Variants in CDC42SE2 observed in about 807,000 individuals in gnomAD.
CDC42SE2 encodes the protein CDC42 small effector protein 2.
CDC42SE2 carries 3 observed loss-of-function variants against 11.5 expected under a neutral mutation model. The observed-to-expected ratio is 0.26, with a 90% CI of 0.12 to 0.67. The LOEUF (loss-of-function observed/expected upper bound fraction) is 0.67, where lower values mean the gene tolerates loss of function less well. Ranked by LOEUF, CDC42SE2 falls within the 30% of genes least tolerant of loss-of-function variation. The pLI, the probability that CDC42SE2 is intolerant of heterozygous loss-of-function variation, is 0.80. For synonymous variants in CDC42SE2, 33 were observed against 34.8 expected (o/e 0.95, Z 0.18); for missense variants, 82 against 106.8 (o/e 0.77, Z 1.02).
At chr5:131,211,155 A>T in the CDC42SE2 span, among the ~76,000 whole-genome samples, 1 of 152,140 alleles carries the variant, frequency 6.6e-6, no homozygotes, top group African/African-American at 2.4e-5. Flanking sequence ...TCTTTCATAC[A>T]AGAATTCTTG....
chr5:131,341,203 C>G (rs1230247972), intron 2 of CDC42SE2, among the ~76,000 whole-genome samples: 1 of 152,008 alleles, frequency 6.6e-6, no homozygotes, highest in Non-Finnish European at 1.5e-5. Context: ...CATTCAGACC[C>G]CAGTACAATG....
chr5:131,271,110 A>AAT (rs1201215986), intron 1 of CDC42SE2, among the ~76,000 whole-genome samples: 5 of 152,184 alleles, frequency 3.3e-5, no homozygotes, highest in African/African-American at 1.2e-4. Flanking sequence ...AATTCCTGTG[A>AAT]TACAGTTCTC....
chr5:131,318,784 A>G (rs1283650101), intron 2 of CDC42SE2, among the ~76,000 whole-genome samples: 1 of 152,222 alleles, frequency 6.6e-6, no homozygotes, highest in Non-Finnish European at 1.5e-5. Context: ...CATCTTTCTC[A>G]ACCCTCAATT....
At chr5:131,263,954 A>T (rs1047525932), upstream of CDC42SE2, 1 of 151,386 alleles carries the variant, frequency 6.6e-6, no homozygotes, top group East Asian at 1.9e-4. Flanking sequence ...CGGTCGCTGC[A>T]GCTGCGCAAC....
intron 2 of CDC42SE2, among the ~76,000 whole-genome samples, chr5:131,346,274 C>A (rs916932279): frequency 8.6e-5 from 13 of 152,032 alleles, no homozygotes; most frequent in Non-Finnish European, 1.9e-4. Flanking sequence ...AGTGCAGAGA[C>A]ACACATAGGC....
chr5:131,306,586 T>A (rs1211351874), intron 1 of CDC42SE2, among the ~76,000 whole-genome samples: 1 of 152,226 alleles, frequency 6.6e-6, no homozygotes, highest in Non-Finnish European at 1.5e-5. Flanking sequence ...CTTTTGTGGT[T>A]TTATATGAAT....
At chr5:131,294,625 A>G (rs1023649868) in intron 1 of CDC42SE2, among the ~76,000 whole-genome samples, 16 of 152,222 alleles carry the variant, frequency 1.1e-4, no homozygotes, top group African/African-American at 3.4e-4. Context: ...GATGGTGACT[A>G]CTAGGGTAGG....
chr5:131,310,586 C>G lies in CDC42SE2; in HGVS notation c.-454-5390C>G, dbSNP rs1252060265. On this transcript the variant is annotated intron_variant, in intron 1 of 4. Transcript: ENST00000505065. ...ATTATTAATGTGTGGGAGTCTAAGT[C>G]TCTTTGTAGGTCACTCAGGACTTGC... Among the ~76,000 whole-genome samples, 1,366 of 151,490 alleles carry G rather than the reference C, an allele frequency of 9.0e-3. 26 individuals are homozygous for G. Among genetic ancestry groups the G allele is most frequent in the African/African-American group, 0.032 (1,306 of 41,044 alleles).
the CDC42SE2 span, among the ~76,000 whole-genome samples, chr5:131,221,334 T>C: frequency 6.6e-6 from 1 of 152,000 alleles, no homozygotes; most frequent in Admixed American, 6.6e-5. Context: ...CTATCATTAG[T>C]GTTAGCGTAT....
At chr5:131,345,933 A>C (rs1012796529) in intron 2 of CDC42SE2, among the ~76,000 whole-genome samples, 3 of 152,220 alleles carry the variant, frequency 2.0e-5, no homozygotes, top group Non-Finnish European at 4.4e-5. Flanking sequence ...AAAATCCTTT[A>C]CAGACAAGCA....
chr5:131,264,531 G>A (rs59894268), intron 1 of CDC42SE2, among the ~76,000 whole-genome samples: 10,826 of 151,564 alleles, frequency 0.071, 778 homozygotes, highest in African/African-American at 0.19. Context: ...TGGAAGTCGG[G>A]AGGGTGGTGC....
intron 3 of CDC42SE2, among the ~76,000 whole-genome samples, chr5:131,379,075 A>G (rs1750239370): frequency 6.6e-6 from 1 of 152,218 alleles, no homozygotes; most frequent in Admixed American, 6.5e-5. Context: ...ATTTAGTTAC[A>G]CAACTCAACT....
intron 1 of CDC42SE2, among the ~76,000 whole-genome samples, chr5:131,279,314 C>T (rs1757184828): frequency 6.6e-6 from 1 of 152,078 alleles, no homozygotes; most frequent in Non-Finnish European, 1.5e-5. Flanking sequence ...CCAAAGCAGG[C>T]ACAAAAGATC....
intron 2 of CDC42SE2, among the ~76,000 whole-genome samples, chr5:131,323,256 G>A (rs1758231624): frequency 6.6e-6 from 1 of 151,526 alleles, no homozygotes; most frequent in Admixed American, 6.6e-5. Flanking sequence ...AAACTCCTGG[G>A]CTCGAGCAAT....
chr5:131,282,304 A>G (rs1207966386), intron 1 of CDC42SE2, among the ~76,000 whole-genome samples: 1 of 152,214 alleles, frequency 6.6e-6, no homozygotes, highest in Non-Finnish European at 1.5e-5. Flanking sequence ...GACCATTTGA[A>G]AAGTTTATGA....
intron 1 of CDC42SE2, among the ~76,000 whole-genome samples, chr5:131,304,100 C>T (rs1251345258): frequency 1.3e-5 from 2 of 152,022 alleles, no homozygotes; most frequent in East Asian, 3.8e-4. Context: ...GCTGGGACCA[C>T]AGGCATGCAC....
At chr5:131,236,090 T>C in the CDC42SE2 span, among the ~76,000 whole-genome samples, 8 of 152,234 alleles carry the variant, frequency 5.3e-5, no homozygotes, top group African/African-American at 1.9e-4. Context: ...ATAGAATTGT[T>C]AGCTTTTTTT....
At chr5:131,257,726 C>T (rs1756689812) in intron 2 of CDC42SE2, among the ~76,000 whole-genome samples, 1 of 152,116 alleles carries the variant, frequency 6.6e-6, no homozygotes, top group Non-Finnish European at 1.5e-5. Context: ...AATCCACCTG[C>T]CTTGGTCTCC....
intron 1 of CDC42SE2, among the ~76,000 whole-genome samples, chr5:131,288,614 T>A (rs969393179): frequency 1.2e-4 from 19 of 152,294 alleles, no homozygotes; most frequent in African/African-American, 3.8e-4. Flanking sequence ...TCTGCCTCAG[T>A]ATCTGAGATA....
Sources: allele counts gnomAD v4.1 joint callset (sites outside exome capture counted in the v4.1 genomes callset), GRCh38; gene constraint gnomAD v4.1.1; transcripts MANE v1.5; gene names NCBI Gene and HGNC (gene_info 2026-07-23, HGNC 2026-07-21).